PTPRN2: variants seen among roughly 807,000 people sequenced by gnomAD.
The protein encoded by PTPRN2 is receptor-type tyrosine-protein phosphatase N2.
Under a neutral mutation model 118.8 loss-of-function variants are expected in PTPRN2, and 74 were observed. The ratio of observed to expected loss-of-function variants is 0.62; its 90% CI spans 0.52 to 0.76. The LOEUF is 0.76. Among genes scored for constraint, PTPRN2 ranks in the 30% least tolerant of loss-of-function variants. The pLI, the probability that PTPRN2 is intolerant of heterozygous loss-of-function variation, is 0.00. For missense variants in PTPRN2, 1,481 were observed against 1,394.4 expected, an observed-to-expected ratio of 1.06 and a Z score of -0.99; for synonymous variants, 641 against 608.0, an observed-to-expected ratio of 1.05 and a Z score of -0.80.
chr7:158,334,460 C>T (rs1253458759), intron 2 of PTPRN2, among the ~76,000 whole-genome samples: 19 of 22,896 alleles, frequency 8.3e-4, no homozygotes, highest in Middle Eastern at 0.026. Context: ...AGAGGTGACG[C>T]CCATAGACGT....
Position 158,273,659 on chromosome 7 carries a change from G to A in PTPRN2, c.277+43160C>T, listed in dbSNP as rs1393974747. On this transcript the variant is annotated intron_variant, in intron 3 of 22. Transcript: ENST00000389418. ...GCCGCAGACAGACATGGGAGGAGCC[G>A]CAGACACGGGAGGAGCCGCAGACAC... Among the ~76,000 whole-genome samples the A allele has an allele frequency of 1.1e-4, 8 of 75,174 alleles. No homozygotes were observed. In the South Asian group the frequency reaches 2.1e-3, roughly 20 times the overall value. 49.3% of individuals were successfully genotyped at this position (75,174 alleles called of 152,430 possible).
chr7:157,814,046 C>T (rs942389376), intron 12 of PTPRN2, among the ~76,000 whole-genome samples: 2 of 152,246 alleles, frequency 1.3e-5, no homozygotes, highest in Non-Finnish European at 2.9e-5. Context: ...TGTGCCCACG[C>T]GAGGCAGTGG....
intron 6 of PTPRN2, 64 bp from the exon 7 acceptor site, chr7:158,138,579 A>T: frequency 6.7e-7 from 1 of 1,490,498 alleles, no homozygotes; most frequent in South Asian, 1.2e-5. Flanking sequence ...GAGGGCCTCC[A>T]GACCATAGGG....
rs1826165359 is a variant in PTPRN2, at chr7:158,544,440, A to C, written c.112+43118T>G. Among the ~76,000 whole-genome samples, 1 of 152,140 alleles carries C rather than the reference A, an allele frequency of 6.6e-6. No homozygotes were observed. The highest frequency in any genetic ancestry group is 1.5e-5 in the Non-Finnish European group (1 of 68,026). On this transcript the variant is annotated intron_variant, in intron 1 of 22. Transcript: ENST00000389418. The surrounding 1 kb of genome is among the most constrained non-coding windows in gnomAD (Gnocchi z 4.2). ...CACTTGAGGTCAGGAGTTTGAGACC[A>C]GCCTGGCCAACATAGTGAAACCCTG...
chr7:157,739,785 A>ATT (rs775685729), intron 12 of PTPRN2, among the ~76,000 whole-genome samples: 25 of 152,190 alleles, frequency 1.6e-4, no homozygotes, highest in Non-Finnish European at 3.5e-4. Context: ...TCCAAGATGG[A>ATT]TGTGCTTTGG....
chr7:157,751,131 TG>T (rs1179131082), intron 12 of PTPRN2, among the ~76,000 whole-genome samples: 2 of 152,044 alleles, frequency 1.3e-5, no homozygotes, highest in Non-Finnish European at 2.9e-5. Flanking sequence ...AGTAGTAGGC[TG>T]GGGGGACCTG....
chr7:158,183,047 CTTCT>C (rs1267327554), intron 5 of PTPRN2, among the ~76,000 whole-genome samples: 1 of 152,040 alleles, frequency 6.6e-6, no homozygotes, highest in African/African-American at 2.4e-5. Context: ...ATTTAATGAC[CTTCT>C]TTGTCTCTTT....
At chr7:157,842,284 G>A (rs1375182447) in intron 12 of PTPRN2, among the ~76,000 whole-genome samples, 7 of 151,992 alleles carry the variant, frequency 4.6e-5, no homozygotes, top group Non-Finnish European at 7.4e-5. Context: ...CAGCCGCCTC[G>A]TCCACCTGAC....
intron 5 of PTPRN2, among the ~76,000 whole-genome samples, chr7:158,180,367 G>A (rs1824595216): frequency 6.6e-6 from 1 of 152,180 alleles, no homozygotes; most frequent in African/African-American, 2.4e-5. Context: ...ATGCTGTTTT[G>A]GTAACTCTAG....
chr7:157,807,499 G>A (rs1805706439), intron 12 of PTPRN2, among the ~76,000 whole-genome samples: 1 of 152,190 alleles, frequency 6.6e-6, no homozygotes, highest in Non-Finnish European at 1.5e-5. Context: ...CCTCAGACCT[G>A]GGGCCATGGG....
At chr7:158,342,024 C>G (rs1806942954) in intron 2 of PTPRN2, among the ~76,000 whole-genome samples, 1 of 148,222 alleles carries the variant, frequency 6.7e-6, no homozygotes, top group African/African-American at 2.5e-5. Flanking sequence ...CTCACACCCA[C>G]ACTCTCACCA....
intron 3 of PTPRN2, among the ~76,000 whole-genome samples, chr7:158,278,200 C>T (rs1799162557): frequency 6.6e-6 from 1 of 152,186 alleles, no homozygotes; most frequent in African/African-American, 2.4e-5. Context: ...TTCCAGAATA[C>T]ACTTCCCAGT....
At chr7:158,366,387 C>T (rs1809519448) in intron 2 of PTPRN2, among the ~76,000 whole-genome samples, 1 of 49,866 alleles carries the variant, frequency 2.0e-5, no homozygotes, top group African/African-American at 4.7e-5. Context: ...CGCACACACA[C>T]CCACACACCC....
At chr7:157,696,273 C>T (rs1428751137) in intron 12 of PTPRN2, among the ~76,000 whole-genome samples, 4 of 129,644 alleles carry the variant, frequency 3.1e-5, no homozygotes, top group East Asian at 2.5e-4. Context: ...CACCATCTAC[C>T]CATGCATACT....
intron 12 of PTPRN2, among the ~76,000 whole-genome samples, chr7:157,792,834 A>G (rs1397120433): frequency 1.3e-5 from 2 of 152,154 alleles, no homozygotes; most frequent in African/African-American, 4.8e-5. Context: ...TACGTTCTAC[A>G]GCGTGGCTGG....
chr7:158,211,063 T>A (rs1827557267), intron 3 of PTPRN2, among the ~76,000 whole-genome samples: 1 of 152,190 alleles, frequency 6.6e-6, no homozygotes, highest in Non-Finnish European at 1.5e-5. Flanking sequence ...AATCGTCAAC[T>A]GTCCTGGGGA....
intron 12 of PTPRN2, among the ~76,000 whole-genome samples, chr7:157,749,116 A>ACCCG (rs1801257305): frequency 3.1e-4 from 2 of 6,430 alleles, no homozygotes; most frequent in Admixed American, 1.5e-3. Flanking sequence ...TGGGCTGTTG[A>ACCCG]GGTGATTCTG....
rs76399448 is a variant in PTPRN2, at chr7:157,974,868, C to T, written c.1724-76131G>A. On this transcript the variant is annotated intron_variant, in intron 11 of 22. Transcript: ENST00000389418. The surrounding 1 kb of genome is among the most constrained non-coding windows in gnomAD (Gnocchi z 4.0). ...GGCGGGCACTGAGAAGAGGTGCCCACGTCCATCCCCAGCCCCTCAGGCATG... is the reference window on the plus strand; with the variant it reads ...GGCGGGCACTGAGAAGAGGTGCCCATGTCCATCCCCAGCCCCTCAGGCATG... Among the ~76,000 whole-genome samples the T allele has an allele frequency of 0.024, 3,630 of 152,152 alleles. 59 individuals are homozygous for T. Among genetic ancestry groups the T allele is most frequent in the Non-Finnish European group, 0.038 (2,594 of 67,954 alleles).
intron 12 of PTPRN2, among the ~76,000 whole-genome samples, chr7:157,875,854 C>T (rs554989191): frequency 4.3e-4 from 60 of 138,498 alleles, no homozygotes; most frequent in Non-Finnish European, 2.8e-4. Flanking sequence ...GTCCCCAGGG[C>T]AGGCACGGGG....
Sources: gnomAD v4.1 joint callset for allele counts (sites outside exome capture counted in the v4.1 genomes callset) on GRCh38, gnomAD v4.1.1 for gene constraint, Gnocchi (gnomAD v3.1) non-coding constraint, MANE v1.5 for transcripts, NCBI Gene and HGNC (gene_info 2026-07-23, HGNC 2026-07-21) for gene names.